SEMA4G: variants seen among roughly 807,000 people sequenced by gnomAD.
SEMA4G encodes semaphorin 4G, also known as semaphorin-4G.
In SEMA4G, 59 loss-of-function variants were observed where a neutral mutation model predicts 81.2. That is an observed-to-expected ratio of 0.73 (90% confidence interval 0.59 to 0.90). The LOEUF (loss-of-function observed/expected upper bound fraction) is 0.90. Among genes scored for constraint, SEMA4G ranks in the 40% least tolerant of loss-of-function variants. SEMA4G has a pLI of 0.00. For missense variants in SEMA4G, 952 were observed against 1,102.3 expected (o/e 0.86, Z 1.93); for synonymous variants, 404 against 433.9 (o/e 0.93, Z 0.86).
Position 100,973,039 on chromosome 10 carries a change from T to G in SEMA4G, c.124+3T>G. 6 of 1,614,104 alleles carry G rather than the reference T, an allele frequency of 3.7e-6. No homozygotes were observed. Among genetic ancestry groups the G allele is most frequent in the Non-Finnish European group, 5.1e-6 (6 of 1,180,008 alleles). On this transcript the variant is annotated splice_donor_region_variant and intron_variant, in intron 1 of 13. Transcript: ENST00000370250. The surrounding 1 kb of genome is among the most constrained non-coding windows in gnomAD (Gnocchi z 5.5). ...TCGGATGACCATACCCTATGAAGGT[T>G]AGACCCTCAACCTCAAAAGGCAGCA...
At chr10:100,984,229 C>G in exon 14 of SEMA4G, 1 of 1,474,458 alleles carries the variant, frequency 6.8e-7, no homozygotes, top group Non-Finnish European at 8.9e-7. Flanking sequence ...TCATTACCCC[C>G]ACTCCATACC....
Position 100,973,341 on chromosome 10 carries a change from A to C in SEMA4G, c.273+64A>C. On this transcript the variant is annotated intron_variant, in intron 2 of 13. Transcript: ENST00000370250. This position sits in a 1 kb window ranked among gnomAD's most constrained non-coding sequence, Gnocchi z 5.5. ...TGCTTATCCAGCTCCCTGGGACCTCAACTTCCTTAAAACCCTGCCAGCCTT... is the reference window on the plus strand; with the variant it reads ...TGCTTATCCAGCTCCCTGGGACCTCCACTTCCTTAAAACCCTGCCAGCCTT... The C allele has an allele frequency of 1.9e-6, 3 of 1,587,792 alleles. No individual in the cohort carries two copies. The South Asian group carries it at 3.4e-5, about 18-fold the overall frequency.
upstream of SEMA4G, among the ~76,000 whole-genome samples, chr10:100,971,079 CCT>C (rs769798844): frequency 4.6e-5 from 7 of 152,096 alleles, no homozygotes; most frequent in South Asian, 1.2e-3. Flanking sequence ...GTGAATGACC[CCT>C]GTGAATCCAC....
At position 100,973,211 on chromosome 10, in the gene SEMA4G, G is replaced by A. The variant is rs1446315165; in HGVS notation, c.207G>A (p.Leu69=). Residue 69 remains leucine (L), a synonymous_variant, in exon 2 of 14, where the codon CTG becomes CTA. Coordinates refer to ENST00000370250, the Ensembl canonical transcript of SEMA4G. This position sits in a 1 kb window ranked among gnomAD's most constrained non-coding sequence, Gnocchi z 5.5. ...TGGAGGAGGCCTCAGCAAGGCTGCT[G>A]GTGGGAGCCCGAGGTGCCCTGTTCT... The A allele has an allele frequency of 1.2e-6, 2 of 1,613,614 alleles. No individual in the cohort carries two copies. The highest frequency in any genetic ancestry group is 2.2e-5 in the East Asian group (1 of 44,884).
At chr10:100,979,750 G>A (rs911579877) in intron 8 of SEMA4G, 98 bp from the exon 10 acceptor site, 2 of 1,398,546 alleles carry the variant, frequency 1.4e-6, no homozygotes, top group African/African-American at 2.8e-5. Context: ...CTATAGCTGG[G>A]GTTGGCCAGG....
chr10:100,984,918 A>G, downstream of SEMA4G: 1 of 1,449,348 alleles, frequency 6.9e-7, no homozygotes, highest in Non-Finnish European at 9.1e-7. Flanking sequence ...GGCATGTCCC[A>G]TCCCCATGCA....
chr10:100,977,736 T>C lies in SEMA4G; in HGVS notation c.435+6T>C. ...AGCCCCTCTGTGCAGCCATTGTGAG[T>C]ATACCTGTGTTGTGCCAGATCTCTG... On this transcript the variant is annotated splice_donor_region_variant and intron_variant, in intron 4 of 13. Coordinates refer to ENST00000370250, the Ensembl canonical transcript of SEMA4G. The C allele has an allele frequency of 6.2e-7, 1 of 1,606,824 alleles. No individual in the cohort carries two copies. The highest frequency in any genetic ancestry group is 1.1e-5 in the South Asian group (1 of 90,928).
intron 13 of SEMA4G, chr10:100,981,514 C>T (rs894823506): frequency 3.7e-6 from 6 of 1,614,064 alleles, no homozygotes; most frequent in Non-Finnish European, 4.2e-6. Flanking sequence ...GGGTATTTCC[C>T]CAAGGAAGAT....
chr10:100,981,525 C>G, intron 13 of SEMA4G: 3 of 1,614,024 alleles, frequency 1.9e-6, no homozygotes, highest in Non-Finnish European at 2.5e-6. Context: ...CAAGGAAGAT[C>G]GGATGACTGA....
In SEMA4G at chr10:100,978,395, A is replaced by T; in HGVS notation, c.529+7A>T. The stretch of plus-strand genomic sequence containing the variant: ...TTCACAGGCCTCATCATTGGTGAGC[A>T]GGCCTTCTTCCCTATCACAGACATG... On this transcript the variant is annotated splice_region_variant and intron_variant, in intron 5 of 13. Coordinates refer to ENST00000370250, the Ensembl canonical transcript of SEMA4G. 1 of 1,612,290 alleles carries T rather than the reference A, an allele frequency of 6.2e-7. No individual in the cohort carries two copies. The highest frequency in any genetic ancestry group is 8.5e-7 in the Non-Finnish European group (1 of 1,178,966).
exon 10 of SEMA4G, chr10:100,980,341 A>C (rs1354200251): frequency 1.2e-6 from 2 of 1,613,468 alleles, no homozygotes; most frequent in South Asian, 2.2e-5. Flanking sequence ...CTTTCTGGGC[A>C]CAGGTGCTTC....
At position 100,979,736 on chromosome 10, in the gene SEMA4G, G is replaced by A. The variant is rs549403789; in HGVS notation, c.984-112G>A. ...CACTGACTCACAGGAGAGGCCCTGT[G>A]GGACTATAGCTGGGGTTGGCCAGGG... On this transcript the variant is annotated intron_variant, in intron 8 of 13. Transcript: ENST00000370250. 581 of 1,247,148 alleles carry A rather than the reference G, an allele frequency of 4.7e-4. 5 individuals are homozygous for A. In the South Asian group the frequency reaches 7.2e-3, roughly 16 times the overall value. 77.3% of individuals were successfully genotyped at this position (1,247,148 alleles called of 1,614,324 possible). A position where few individuals can be genotyped will look rare whatever the true frequency, so the allele number is the denominator to read the frequency against.
rs1436403588 is a variant in SEMA4G at position 100,984,226 on chromosome 10, C to G, written c.*95C>G. 6 of 1,486,174 alleles carry G rather than the reference C, an allele frequency of 4.0e-6. No homozygotes were observed. The South Asian group carries it at 6.8e-5, about 17-fold the overall frequency. 92.1% of individuals were successfully genotyped at this position (1,486,174 alleles called of 1,614,324 possible). A position where few individuals can be genotyped will look rare whatever the true frequency, so the allele number is the denominator to read the frequency against. ...AACACAGCCACCCTCCCTTCATTACCCCCACTCCATACCCTTCTCCCAACT... is the reference window on the plus strand; with the variant it reads ...AACACAGCCACCCTCCCTTCATTACGCCCACTCCATACCCTTCTCCCAACT... On this transcript the variant is annotated 3_prime_UTR_variant, in exon 14 of 14. Transcript: ENST00000370250.
In SEMA4G at chr10:100,982,756, C is replaced by T. The variant is rs1285400778; in HGVS notation, c.1691-549C>T. On this transcript the variant is annotated intron_variant, in intron 13 of 13. Coordinates refer to ENST00000370250, the Ensembl canonical transcript of SEMA4G. ...GCAGTGAGCTGAGATCACGTCACTGCACTCCAGCCTAGGCGACAGAATGAG... is the reference window on the plus strand; with the variant it reads ...GCAGTGAGCTGAGATCACGTCACTGTACTCCAGCCTAGGCGACAGAATGAG... Among the ~76,000 whole-genome samples the T allele has an allele frequency of 2.6e-5, 4 of 152,194 alleles. No individual in the cohort carries two copies. The South Asian group carries it at 6.2e-4, about 24-fold the overall frequency.
Position 100,978,317 on chromosome 10 carries a change from CA to C in SEMA4G, c.460del (p.Thr154ProfsTer50). ...TAGGATGCTGAGGCCTTCACCTTGC[CA>C]ACCAGCTTCGAGGAGGGGAAGGAGA... On this transcript the variant is annotated frameshift_variant, in exon 5 of 14. Coordinates refer to ENST00000370250, the Ensembl canonical transcript of SEMA4G. LOFTEE classifies it high-confidence loss of function. The C allele has an allele frequency of 6.2e-7, 1 of 1,613,472 alleles. No individual in the cohort carries two copies. Among genetic ancestry groups the C allele is most frequent in the Non-Finnish European group, 8.5e-7 (1 of 1,179,764 alleles).
chr10:100,981,055 A>C, intron 12 of SEMA4G, 58 bp downstream of exon 13: 1 of 1,598,934 alleles, frequency 6.3e-7, no homozygotes, highest in South Asian at 1.1e-5. Flanking sequence ...GGAAGGCCTG[A>C]TAGCTACTGG....
At chr10:100,985,124 G>C, downstream of SEMA4G, 2 of 450,406 alleles carry the variant, frequency 4.4e-6, no homozygotes, top group Non-Finnish European at 7.8e-6. Context: ...CAATGAGCCA[G>C]CCTCTCTTTT....
At chr10:100,980,167 G>A (rs767502487) in exon 10 of SEMA4G, 1 of 1,614,242 alleles carries the variant, frequency 6.2e-7, no homozygotes, top group Non-Finnish European at 8.5e-7. Flanking sequence ...TTCATCCCAA[G>A]ACTTGCCATC....
In SEMA4G at chr10:100,973,264, G is replaced by T; in HGVS notation, c.260G>T (p.Gly87Val). The change falls in exon 2 of 14, where the codon GGG (glycine) becomes GTG (valine). Residue 87 changes from glycine (G) to valine (V), a missense_variant. By Grantham distance (109) the Gly-to-Val change is moderately radical. Transcript: ENST00000370250. The surrounding 1 kb of genome is among the most constrained non-coding windows in gnomAD (Gnocchi z 5.5). Reference sequence around the variant, plus strand: ...CTCAGTGCCAACGACATAGGAGATGGGGCTCACAAAGAGGTCAGGCCCTGG... The same window carrying T: ...CTCAGTGCCAACGACATAGGAGATGTGGCTCACAAAGAGGTCAGGCCCTGG... The T allele has an allele frequency of 6.2e-7, 1 of 1,613,070 alleles. No individual in the cohort carries two copies. The highest frequency in any genetic ancestry group is 8.5e-7 in the Non-Finnish European group (1 of 1,180,032).
Sources: gnomAD v4.1 joint callset for allele counts (sites outside exome capture counted in the v4.1 genomes callset) on GRCh38, gnomAD v4.1.1 for gene constraint, Gnocchi (gnomAD v3.1) non-coding constraint, MANE v1.5 for transcripts, NCBI Gene and HGNC (gene_info 2026-07-23, HGNC 2026-07-21) for gene names.